GPR55: variants seen among roughly 807,000 people sequenced by gnomAD.
GPR55 encodes G protein-coupled receptor 55, also known as G-protein coupled receptor 55.
GPR55 carries 6 observed loss-of-function variants against 7.9 expected under a neutral mutation model. The observed-to-expected ratio is 0.76, with a 90% CI of 0.41 to 1.49. GPR55 has a LOEUF of 1.49. Ranked by LOEUF, GPR55 falls within the 40% of genes most tolerant of loss-of-function variation. GPR55 has a pLI of 0.01. For synonymous variants in GPR55, 183 were observed against 166.8 expected (o/e 1.10, Z -0.75); for missense variants, 376 against 406.0 (o/e 0.93, Z 0.63).
chr2:230,939,916 C>A (rs991990969), intron 1 of GPR55, among the ~76,000 whole-genome samples: 2 of 151,960 alleles, frequency 1.3e-5, no homozygotes, highest in African/African-American at 4.8e-5. Flanking sequence ...AGACATCATA[C>A]CCCTGGGAGA....
chr2:230,954,061 C>T (rs985609613), intron 1 of GPR55, among the ~76,000 whole-genome samples: 13 of 152,258 alleles, frequency 8.5e-5, no homozygotes, highest in African/African-American at 2.2e-4. Context: ...TTCTGATCAA[C>T]GGACCTTGTC....
Position 230,907,363 on chromosome 2 carries a change from T to A in GPR55, c.*2640A>T, listed in dbSNP as rs1486570249. The A allele has an allele frequency of 6.6e-6, 1 of 152,288 alleles. No individual in the cohort carries two copies. Among genetic ancestry groups the A allele is most frequent in the African/African-American group, 2.4e-5 (1 of 41,462 alleles). 9.4% of individuals were successfully genotyped at this position (152,288 alleles called of 1,614,324 possible). ...CTATTTATTTGGCGAATCAGATTAA[T>A]CAAGTCATTTTTTCCAAAGCTAACC... On this transcript the variant is annotated 3_prime_UTR_variant, in exon 2 of 2. Transcript: ENST00000650999.
chr2:230,945,709 A>T (rs973012327), intron 1 of GPR55, among the ~76,000 whole-genome samples: 4 of 152,150 alleles, frequency 2.6e-5, no homozygotes, highest in Non-Finnish European at 5.9e-5. Context: ...AGTAGCTGGG[A>T]CTACAGGCAG....
rs1202966282 is a variant in GPR55, at chr2:230,910,274, G to A, written c.689C>T (p.Ala230Val). The change falls in exon 2 of 2, where the codon GCC becomes GTC. Residue 230 changes from alanine (A) to valine (V), a missense_variant. Ala to Val is a moderately conservative substitution (Grantham distance 64, BLOSUM62 0). Transcript: ENST00000650999. The surrounding 1 kb of genome is among the most constrained non-coding windows in gnomAD (Gnocchi z 5.4). ...QQKACIYSIAASLAVFVVSFL... is the reference protein window; with the variant it reads ...QQKACIYSIAVSLAVFVVSFL... ...GGAGACCACGAAGACAGCCAGGCTGGCTGCGATGCTGTAGATGCAGGCTTT... is the reference window on the plus strand; with the variant it reads ...GGAGACCACGAAGACAGCCAGGCTGACTGCGATGCTGTAGATGCAGGCTTT... The A allele has an allele frequency of 6.2e-7, 1 of 1,614,032 alleles. No individual in the cohort carries two copies. The highest frequency in any genetic ancestry group is 1.1e-5 in the South Asian group (1 of 91,054).
rs146448347 is a variant in GPR55 at position 230,910,068 on chromosome 2, T to C, written c.895A>G (p.Ile299Val). The change falls in exon 2 of 2, where the codon ATC becomes GTC. Residue 299 changes from isoleucine (I) to valine (V), a missense_variant. Coordinates refer to ENST00000650999, the MANE Select transcript of GPR55 (RefSeq NM_005683.4). The surrounding 1 kb of genome is among the most constrained non-coding windows in gnomAD (Gnocchi z 5.4). ...ACCCTGGAAGGCCGGTGGGCCCTGA[T>C]GTTCATGCGGAATTCTTTGATGACA... ...YFVIKEFRMN[I>V]RAHRPSRVQL... 1.2e-6 allele frequency: 2 copies of C among 1,614,128 alleles called. No individual in the cohort carries two copies. The highest frequency in any genetic ancestry group is 1.7e-6 in the Non-Finnish European group (2 of 1,180,002).
At chr2:230,945,259 A>G (rs990678790) in intron 1 of GPR55, among the ~76,000 whole-genome samples, 1 of 152,120 alleles carries the variant, frequency 6.6e-6, no homozygotes, top group African/African-American at 2.4e-5. Flanking sequence ...TGAGGTGGAA[A>G]GAGGCTGAGA....
chr2:230,955,077 C>A (rs146218060), intron 1 of GPR55, among the ~76,000 whole-genome samples: 2 of 152,294 alleles, frequency 1.3e-5, no homozygotes, highest in East Asian at 3.9e-4. Context: ...TATGTTTATC[C>A]CTTTACTATG....
intron 1 of GPR55, among the ~76,000 whole-genome samples, chr2:230,912,915 C>T (rs922648704): frequency 6.6e-6 from 1 of 152,216 alleles, no homozygotes; most frequent in Non-Finnish European, 1.5e-5. Context: ...GGCAGCATGG[C>T]TTACAGCTTC....
chr2:230,928,689 GA>G (rs1309386249), upstream of GPR55: 2 of 150,916 alleles, frequency 1.3e-5, no homozygotes, highest in East Asian at 3.9e-4. Context: ...CTATTTGAAG[GA>G]AAAGAAAAAA....
chr2:230,948,991 C>T (rs1015160416), intron 1 of GPR55, among the ~76,000 whole-genome samples: 1 of 152,100 alleles, frequency 6.6e-6, no homozygotes, highest in East Asian at 1.9e-4. Flanking sequence ...ATAATCTGAG[C>T]CAGGGGGGTC....
chr2:230,957,718 T>G, intron 1 of GPR55: 1 of 549,634 alleles, frequency 1.8e-6, no homozygotes. Flanking sequence ...TAGGATCTGT[T>G]GTGGCTGGCT....
intron 1 of GPR55, among the ~76,000 whole-genome samples, chr2:230,931,173 T>C (rs543913889): frequency 2.0e-4 from 31 of 152,200 alleles, no homozygotes; most frequent in Non-Finnish European, 3.4e-4. Flanking sequence ...CACACTCCAG[T>C]ACCTGGCTCA....
chr2:230,922,803 G>A (rs1444059082), intron 1 of GPR55, among the ~76,000 whole-genome samples: 8 of 152,098 alleles, frequency 5.3e-5, no homozygotes, highest in Non-Finnish European at 4.4e-5. Context: ...TCGAACTCCC[G>A]ACCTCAGGTG....
In GPR55 at chr2:230,909,861, G is replaced by T; in HGVS notation, c.*142C>A. The T allele has an allele frequency of 1.2e-6, 1 of 852,198 alleles. No individual in the cohort carries two copies. Among genetic ancestry groups the T allele is most frequent in the Non-Finnish European group, 1.9e-6 (1 of 536,644 alleles). The allele number at this position is 852,198 out of a possible 1,614,324, so 52.8% of individuals were successfully genotyped here. A position where few individuals can be genotyped will look rare whatever the true frequency, so the allele number is the denominator to read the frequency against. On this transcript the variant is annotated 3_prime_UTR_variant, in exon 2 of 2. Coordinates refer to ENST00000650999, the MANE Select transcript of GPR55 (RefSeq NM_005683.4). ...AGGTCTTTGGGGTATAATGAGCAAAGCTGGCACTCAATGGGCATCAAAGGG... is the reference window on the plus strand; with the variant it reads ...AGGTCTTTGGGGTATAATGAGCAAATCTGGCACTCAATGGGCATCAAAGGG...
At chr2:230,935,816 T>C (rs1691123521) in intron 1 of GPR55, among the ~76,000 whole-genome samples, 1 of 152,232 alleles carries the variant, frequency 6.6e-6, no homozygotes, top group Non-Finnish European at 1.5e-5. Flanking sequence ...ATATTTGCAT[T>C]ATACTGGCTG....
chr2:230,934,129 G>T (rs571063987), intron 1 of GPR55, among the ~76,000 whole-genome samples: 1 of 152,204 alleles, frequency 6.6e-6, no homozygotes, highest in Non-Finnish European at 1.5e-5. Context: ...CACTGGCCTA[G>T]GTATATGGGC....
At chr2:230,911,983 A>T (rs1041093185) in intron 1 of GPR55, among the ~76,000 whole-genome samples, 1 of 152,130 alleles carries the variant, frequency 6.6e-6, no homozygotes, top group Non-Finnish European at 1.5e-5. Context: ...CAATCCAGGC[A>T]TCCAGAACCA....
rs554680115 is a variant in GPR55, at chr2:230,945,192, G to A, written c.-135+15583C>T. Among the ~76,000 whole-genome samples the A allele has an allele frequency of 3.3e-5, 5 of 152,292 alleles. No individual in the cohort carries two copies. In the South Asian group the frequency reaches 1.0e-3, roughly 32 times the overall value. ...GCAAAAAGATGGCGGCGGGGGAGAG[G>A]AAAGGCAATTCCCAGAATGAAGCGG... On this transcript the variant is annotated intron_variant, in intron 1 of 1. Coordinates refer to the GPR55 transcript ENST00000392039.
At chr2:230,927,091 AATACATATGTAAACAC>A (rs1690956538), upstream of GPR55, among the ~76,000 whole-genome samples, 1 of 152,238 alleles carries the variant, frequency 6.6e-6, no homozygotes, top group African/African-American at 2.4e-5. Context: ...ACATGATTCA[AATACATATGTAAACAC>A]ATATAGGAAA....
Sources: allele counts gnomAD v4.1 joint callset (sites outside exome capture counted in the v4.1 genomes callset), GRCh38; gene constraint gnomAD v4.1.1; non-coding constraint Gnocchi (gnomAD v3.1); transcripts MANE v1.5; gene names NCBI Gene and HGNC (gene_info 2026-07-23, HGNC 2026-07-21).